FGFR2: variants seen among roughly 807,000 people sequenced by gnomAD.
FGFR2 encodes fibroblast growth factor receptor 2.
A neutral mutation model predicts 95.9 loss-of-function variants in FGFR2; 19 were observed. The observed-to-expected ratio is 0.20, with a 90% CI of 0.14 to 0.29. The LOEUF (loss-of-function observed/expected upper bound fraction) is 0.29. Among genes scored for constraint, FGFR2 ranks in the 10% least tolerant of loss-of-function variants. FGFR2 has a pLI of 1.00. For synonymous variants in FGFR2, 392 were observed against 393.3 expected (o/e 1.00, Z 0.04); for missense variants, 707 against 1,056.9 (o/e 0.67, Z 4.59).
intron 5 of FGFR2, among the ~76,000 whole-genome samples, chr10:121,541,221 C>CAGTG (rs890440848): frequency 5.0e-4 from 76 of 152,278 alleles, no homozygotes; most frequent in African/African-American, 1.7e-3. Context: ...TTGCCCCATG[C>CAGTG]AGTGCTGTTA....
intron 1 of FGFR2, among the ~76,000 whole-genome samples, chr10:121,595,332 A>G (rs1863261184): frequency 6.6e-6 from 1 of 152,244 alleles, no homozygotes; most frequent in African/African-American, 2.4e-5. Context: ...AATATGCCAC[A>G]TCATTTCCAA....
chr10:121,501,808 T>C (rs936834760), intron 10 of FGFR2, among the ~76,000 whole-genome samples: 3 of 152,198 alleles, frequency 2.0e-5, no homozygotes, highest in Admixed American at 2.0e-4. Flanking sequence ...GGTCATTTTG[T>C]TTCTACCCAG....
chr10:121,507,025 C>T lies in FGFR2; in HGVS notation c.1288-3084G>A, dbSNP rs554348362. ...TGAAAACTTACAAGATCACTGCTTTCGGCCCTTCCTTCTGCTACCAGGCTA... is the reference window on the plus strand; with the variant it reads ...TGAAAACTTACAAGATCACTGCTTTTGGCCCTTCCTTCTGCTACCAGGCTA... On this transcript the variant is annotated intron_variant, in intron 9 of 17. Coordinates refer to ENST00000358487, the MANE Select transcript of FGFR2 (RefSeq NM_000141.5). Among the ~76,000 whole-genome samples the T allele has an allele frequency of 5.3e-4, 80 of 152,320 alleles. 2 individuals are homozygous for T. In the South Asian group the frequency reaches 8.3e-3, roughly 16 times the overall value.
At chr10:121,563,458 T>G (rs979892008) in intron 4 of FGFR2, among the ~76,000 whole-genome samples, 1 of 152,166 alleles carries the variant, frequency 6.6e-6, no homozygotes, top group East Asian at 1.9e-4. Flanking sequence ...TTGACTAAAA[T>G]CCTTTTAAGA....
chr10:121,479,999 G>A lies in FGFR2; in HGVS notation c.2324C>T (p.Pro775Leu), dbSNP rs1032609119. ...GTAACTAGGTGAATACTGTTCGAGA[G>A]GTTGGCTGAGGTCCAAGTATTCCTG... is the stretch of plus-strand genomic sequence containing the variant. ...TNEEYLDLSQ[P>L]LEQYSPSYPD... is the part of the protein sequence containing the mutation. Residue 775 changes from proline to leucine, a missense_variant, in exon 18 of 18, where the codon CCT becomes CTT. Transcript: ENST00000358487. The A allele has an allele frequency of 6.2e-7, 1 of 1,614,196 alleles. No individual in the cohort carries two copies. The highest frequency in any genetic ancestry group is 8.5e-7 in the Non-Finnish European group (1 of 1,180,036).
intron 16 of FGFR2, among the ~76,000 whole-genome samples, chr10:121,484,339 C>T (rs888656835): frequency 2.6e-5 from 4 of 152,184 alleles, no homozygotes; most frequent in Non-Finnish European, 5.9e-5. Flanking sequence ...GGGCTGCACA[C>T]TAACTTCCTG....
intron 5 of FGFR2, among the ~76,000 whole-genome samples, chr10:121,549,595 G>A (rs997044527): frequency 2.0e-5 from 3 of 152,118 alleles, no homozygotes; most frequent in Admixed American, 2.0e-4. Flanking sequence ...CCAACACTAG[G>A]TTACAAAAGG....
intron 2 of FGFR2, among the ~76,000 whole-genome samples, chr10:121,580,463 T>G (rs866400882): frequency 2.7e-3 from 1 of 368 alleles, no homozygotes; most frequent in African/African-American, 3.9e-3. Flanking sequence ...AGTTCAGGCC[T>G]GGCCAGCATC....
chr10:121,493,322 C>A (rs1846374463), intron 13 of FGFR2, among the ~76,000 whole-genome samples: 1 of 152,158 alleles, frequency 6.6e-6, no homozygotes, highest in Non-Finnish European at 1.5e-5. Context: ...TGCATTTGCC[C>A]TGCTTAGCAA....
chr10:121,586,774 C>T (rs1861889933), intron 2 of FGFR2, among the ~76,000 whole-genome samples: 1 of 152,160 alleles, frequency 6.6e-6, no homozygotes, highest in Admixed American at 6.5e-5. Flanking sequence ...AAGTCAGCTA[C>T]CACATACAAA....
intron 4 of FGFR2, among the ~76,000 whole-genome samples, chr10:121,554,975 T>G (rs901951224): frequency 6.6e-6 from 1 of 152,066 alleles, no homozygotes; most frequent in Non-Finnish European, 1.5e-5. Context: ...CAACTCTCAT[T>G]TGGAGAAGGA....
At chr10:121,578,958 C>T (rs45631549) in intron 2 of FGFR2, among the ~76,000 whole-genome samples, 4,752 of 152,240 alleles carry the variant, frequency 0.031, 93 homozygotes, top group Middle Eastern at 0.068. Context: ...CCTGCAGGTG[C>T]GGGCTGACAT....
chr10:121,483,889 G>T, intron 16 of FGFR2, 86 bp from the exon 17 acceptor site: 1 of 979,178 alleles, frequency 1.0e-6, no homozygotes, highest in Non-Finnish European at 1.6e-6. Context: ...ATGGGGACGT[G>T]GTGTAAATTA....
At chr10:121,503,217 G>T (rs915342853) in intron 10 of FGFR2, among the ~76,000 whole-genome samples, 1 of 152,192 alleles carries the variant, frequency 6.6e-6, no homozygotes, top group African/African-American at 2.4e-5. Context: ...CACCCAGGTG[G>T]CCATATTTTG....
chr10:121,529,653 C>A (rs1242567839), intron 6 of FGFR2, among the ~76,000 whole-genome samples: 1 of 152,146 alleles, frequency 6.6e-6, no homozygotes, highest in Non-Finnish European at 1.5e-5. Flanking sequence ...AGAATTCCTG[C>A]CAGCCTTGTT....
intron 17 of FGFR2, 22 bp downstream of exon 17, chr10:121,483,676 G>T (rs1172373378): frequency 1.5e-5 from 24 of 1,550,070 alleles, no homozygotes; most frequent in Non-Finnish European, 2.1e-5. Flanking sequence ...AGGACAAGGG[G>T]CTTCTAGAAG....
chr10:121,560,260 C>G (rs571288795), intron 4 of FGFR2, among the ~76,000 whole-genome samples: 2 of 152,124 alleles, frequency 1.3e-5, no homozygotes, highest in South Asian at 2.1e-4. Flanking sequence ...CAGCACAGAG[C>G]CTGTCTAGTG....
chr10:121,581,941 T>TTTTTA (rs56153419), intron 2 of FGFR2, among the ~76,000 whole-genome samples: 54,990 of 148,660 alleles, frequency 0.37, 10,120 homozygotes, highest in Middle Eastern at 0.41. Context: ...TGATTTTTTT[T>TTTTTA]TTTATTTTTG....
At position 121,491,503 on chromosome 10, in the gene FGFR2, G is replaced by A. The variant is rs182663468; in HGVS notation, c.1864-3390C>T. Among the ~76,000 whole-genome samples the A allele has an allele frequency of 1.2e-4, 18 of 152,232 alleles. 1 individual carries two copies. Among genetic ancestry groups the A allele is most frequent in the African/African-American group, 3.6e-4 (15 of 41,544 alleles). On this transcript the variant is annotated intron_variant, in intron 13 of 17. Coordinates refer to ENST00000358487, the MANE Select transcript of FGFR2 (RefSeq NM_000141.5). ...TGTGCCCAGTATGGCTGATGACATC[G>A]AATTCCTGCGGCAACCTATGACATG...
Sources: gnomAD v4.1 joint callset for allele counts (sites outside exome capture counted in the v4.1 genomes callset) on GRCh38, gnomAD v4.1.1 for gene constraint, MANE v1.5 for transcripts, NCBI Gene and HGNC (gene_info 2026-07-23, HGNC 2026-07-21) for gene names.